DDC: variants seen among roughly 807,000 people sequenced by gnomAD.
DDC encodes dopa decarboxylase, also known as aromatic-L-amino-acid decarboxylase.
Under a neutral mutation model 60.0 loss-of-function variants are expected in DDC, and 43 were observed. The ratio of observed to expected loss-of-function variants is 0.72; its 90% CI spans 0.56 to 0.92. The LOEUF (loss-of-function observed/expected upper bound fraction) is 0.92. DDC is among the 40% of genes least tolerant of loss of function. The pLI is 0.00. For synonymous variants in DDC, 232 were observed against 234.6 expected (o/e 0.99, Z 0.10); for missense variants, 573 against 620.2 (o/e 0.92, Z 0.81).
chr7:50,476,537 G>A (rs2042647679), intron 11 of DDC, 87 bp downstream of exon 11: 4 of 1,227,120 alleles, frequency 3.3e-6, no homozygotes, highest in South Asian at 2.4e-5. Context: ...CTGATCATGA[G>A]AGTGGGGGAG....
chr7:50,486,454 T>C (rs1167814132), intron 9 of DDC, among the ~76,000 whole-genome samples: 2 of 152,238 alleles, frequency 1.3e-5, no homozygotes, highest in Admixed American at 6.5e-5. Flanking sequence ...ATAAGTTTCA[T>C]AGCTATCAAA....
intron 11 of DDC, among the ~76,000 whole-genome samples, chr7:50,470,856 G>A (rs1472894496): frequency 2.0e-5 from 3 of 152,206 alleles, no homozygotes; most frequent in African/African-American, 7.2e-5. Context: ...GGACTGGGAC[G>A]AGGAGACTGC....
At chr7:50,496,146 T>C (rs2043122946) in intron 8 of DDC, among the ~76,000 whole-genome samples, 1 of 151,854 alleles carries the variant, frequency 6.6e-6, no homozygotes, top group Admixed American at 6.6e-5. Context: ...AGGCTGGACA[T>C]GAACACAGCT....
At position 50,528,292 on chromosome 7, in the gene DDC, AC is replaced by A; in HGVS notation, c.571-13del. 6.2e-7 allele frequency: 1 copy of A among 1,614,000 alleles called. No individual in the cohort carries two copies. Among genetic ancestry groups the A allele is most frequent in the South Asian group, 1.1e-5 (1 of 91,066 alleles). Reference sequence around the variant, plus strand: ...ACTGAGGAGTGTGCCTGGAAAGAAGACAGCAGAGTTGGATTTGTACAGGTGT... The same window carrying A: ...ACTGAGGAGTGTGCCTGGAAAGAAGAAGCAGAGTTGGATTTGTACAGGTGT... On this transcript the variant is annotated splice_polypyrimidine_tract_variant and intron_variant, in intron 5 of 14. Transcript: ENST00000444124.
chr7:50,508,278 T>A (rs1418131297), intron 6 of DDC, among the ~76,000 whole-genome samples: 1 of 152,206 alleles, frequency 6.6e-6, no homozygotes, highest in Non-Finnish European at 1.5e-5. Context: ...AGCTCAGCAT[T>A]GCTCAATGAC....
intron 8 of DDC, among the ~76,000 whole-genome samples, chr7:50,497,605 T>G (rs2043154006): frequency 6.6e-6 from 1 of 152,168 alleles, no homozygotes; most frequent in African/African-American, 2.4e-5. Flanking sequence ...TTACTCTTCG[T>G]TTCCCAGCAC....
intron 6 of DDC, among the ~76,000 whole-genome samples, chr7:50,516,513 A>G (rs2043736570): frequency 6.6e-6 from 1 of 152,180 alleles, no homozygotes; most frequent in African/African-American, 2.4e-5. Flanking sequence ...ACACACCTCA[A>G]GGAACTAGAG....
intron 8 of DDC, among the ~76,000 whole-genome samples, chr7:50,498,011 CAAGGGA>C (rs1201464169): frequency 1.3e-5 from 2 of 152,096 alleles, no homozygotes; most frequent in South Asian, 2.1e-4. Flanking sequence ...AGGAAGCTGT[CAAGGGA>C]AAGTTTTTCT....
chr7:50,490,815 A>C (rs2042983563), intron 9 of DDC, among the ~76,000 whole-genome samples: 1 of 152,268 alleles, frequency 6.6e-6, no homozygotes, highest in Non-Finnish European at 1.5e-5. Flanking sequence ...GCAAATGATT[A>C]TTCTTGCTGC....
At chr7:50,561,377 G>A (rs1210374484) in intron 1 of DDC, among the ~76,000 whole-genome samples, 1 of 152,140 alleles carries the variant, frequency 6.6e-6, no homozygotes, top group Non-Finnish European at 1.5e-5. Context: ...GAACGACCAG[G>A]CTCCACTCCA....
At chr7:50,550,076 C>T (rs1031598133) in intron 1 of DDC, among the ~76,000 whole-genome samples, 67 of 152,212 alleles carry the variant, frequency 4.4e-4, no homozygotes, top group Non-Finnish European at 7.9e-4. Flanking sequence ...TGCTATCAAA[C>T]AGCATCACAT....
chr7:50,541,508 G>T (rs1169802023), intron 2 of DDC: 1 of 152,208 alleles, frequency 6.6e-6, no homozygotes, highest in Non-Finnish European at 1.5e-5. Context: ...TGAGGGTGGG[G>T]TCCCCTTAAT....
chr7:50,476,561 G>A (rs577912070), intron 11 of DDC, 63 bp downstream of exon 11: 1 of 1,346,254 alleles, frequency 7.4e-7, no homozygotes, highest in Non-Finnish European at 1.0e-6. Context: ...ATGTGTGACA[G>A]CTGTGGCGTA....
chr7:50,565,338 A>G lies in DDC; in HGVS notation c.-82T>C, dbSNP rs900818244. The G allele has an allele frequency of 6.6e-6, 1 of 152,204 alleles. No homozygotes were observed. The highest frequency in any genetic ancestry group is 1.5e-5 in the Non-Finnish European group (1 of 68,046). 9.4% of individuals were successfully genotyped at this position (152,204 alleles called of 1,614,324 possible). A position where few individuals can be genotyped will look rare whatever the true frequency, so the allele number is the denominator to read the frequency against. On this transcript the variant is annotated 5_prime_UTR_variant, in exon 1 of 15. Transcript: ENST00000444124. ...CTACTCTCCTTGATGGGATTCTCCA[A>G]CTTTGGGGACTGAAGAGCATGTGGA...
At chr7:50,511,699 A>C (rs1168728845) in intron 6 of DDC, among the ~76,000 whole-genome samples, 1 of 152,208 alleles carries the variant, frequency 6.6e-6, no homozygotes, top group Non-Finnish European at 1.5e-5. Flanking sequence ...ACTGCACTCC[A>C]GCCTGGGCGA....
chr7:50,459,201 C>T (rs867338618), intron 14 of DDC, among the ~76,000 whole-genome samples: 16 of 152,234 alleles, frequency 1.1e-4, no homozygotes, highest in African/African-American at 2.2e-4. Flanking sequence ...GCGAGTGATC[C>T]GCCAGCCTCG....
chr7:50,503,913 A>G, intron 7 of DDC, 80 bp downstream of exon 7: 2 of 997,992 alleles, frequency 2.0e-6, no homozygotes, highest in South Asian at 1.3e-5. Context: ...ACGACAAGAA[A>G]GAGATCAACG....
chr7:50,495,326 A>G, intron 9 of DDC, 24 bp downstream of exon 9: 3 of 1,587,796 alleles, frequency 1.9e-6, no homozygotes, highest in Non-Finnish European at 2.6e-6. Context: ...CAGGCAACTG[A>G]CATCTGTGAG....
At chr7:50,477,051 A>G (rs731689) in intron 10 of DDC, among the ~76,000 whole-genome samples, 2,979 of 152,286 alleles carry the variant, frequency 0.02, 171 homozygotes, top group Admixed American at 0.12. Flanking sequence ...TAAAAAGGAG[A>G]ATGAAACTCT....
Sources: allele counts gnomAD v4.1 joint callset (sites outside exome capture counted in the v4.1 genomes callset), GRCh38; gene constraint gnomAD v4.1.1; transcripts MANE v1.5; gene names NCBI Gene and HGNC (gene_info 2026-07-23, HGNC 2026-07-21).